Variants in DPH6 observed in about 807,000 individuals in gnomAD.
The protein encoded by DPH6 is diphthamine biosynthesis 6.
Under a neutral mutation model 38.2 loss-of-function variants are expected in DPH6, and 33 were observed. That is an observed-to-expected ratio of 0.86 (90% CI 0.65 to 1.15). The LOEUF (loss-of-function observed/expected upper bound fraction) is 1.15. DPH6 is among the 50% of genes most tolerant of loss of function. The pLI is 0.00. For missense variants in DPH6, 325 were observed against 320.0 expected (o/e 1.02, Z -0.12); for synonymous variants, 108 against 103.0 (o/e 1.05, Z -0.30).
chr15:35,287,441 T>C (rs2140442456), intron 3 of DPH6, among the ~76,000 whole-genome samples: 1 of 152,312 alleles, frequency 6.6e-6, no homozygotes, highest in East Asian at 1.9e-4. Context: ...TAATGTTTTT[T>C]AAAAACTTCG....
chr15:35,379,585 C>T (rs969017108), intron 7 of DPH6, among the ~76,000 whole-genome samples: 3 of 152,136 alleles, frequency 2.0e-5, no homozygotes, highest in Admixed American at 6.6e-5. Flanking sequence ...ATGCACAAAA[C>T]ATGTTCACTC....
the DPH6 span, among the ~76,000 whole-genome samples, chr15:35,167,031 T>C: frequency 6.6e-6 from 1 of 152,032 alleles, no homozygotes; most frequent in Non-Finnish European, 1.5e-5. Context: ...TGGAAGCGAA[T>C]TCTCTTCGAC....
chr15:35,355,645 A>G (rs1404172835), intron 3 of DPH6, among the ~76,000 whole-genome samples: 1 of 152,228 alleles, frequency 6.6e-6, no homozygotes, highest in Non-Finnish European at 1.5e-5. Flanking sequence ...GTTTCTGCCG[A>G]GAGATCAGCT....
At chr15:35,454,868 G>A (rs769240065) in intron 3 of DPH6, 48 bp from the exon 4 acceptor site, 1 of 1,359,744 alleles carries the variant, frequency 7.4e-7, no homozygotes, top group Admixed American at 2.0e-5. Context: ...AGTAACAAAT[G>A]GCTCCACATC....
intron 3 of DPH6, among the ~76,000 whole-genome samples, chr15:35,221,097 A>G (rs1435365888): frequency 6.6e-6 from 1 of 152,260 alleles, no homozygotes; most frequent in Non-Finnish European, 1.5e-5. Flanking sequence ...GGGGGAAAAG[A>G]GTAAACAACA....
chr15:35,214,086 T>C (rs2051401079), downstream of DPH6, among the ~76,000 whole-genome samples: 1 of 142,022 alleles, frequency 7.0e-6, no homozygotes, highest in African/African-American at 2.7e-5. Context: ...CACTCCAGCC[T>C]GGGCGACAGA....
chr15:35,542,154 T>C (rs1462482703), intron 2 of DPH6, among the ~76,000 whole-genome samples: 1 of 152,064 alleles, frequency 6.6e-6, no homozygotes, highest in Non-Finnish European at 1.5e-5. Context: ...TTTGTGCTAG[T>C]TTACTTCAGA....
intron 3 of DPH6, among the ~76,000 whole-genome samples, chr15:35,474,184 G>C (rs894340004): frequency 3.3e-5 from 5 of 152,022 alleles, no homozygotes; most frequent in African/African-American, 1.2e-4. Flanking sequence ...TTTGCCCTTA[G>C]CAAGTTTGGC....
intron 3 of DPH6, among the ~76,000 whole-genome samples, chr15:35,268,270 G>T (rs893843693): frequency 2.6e-5 from 4 of 151,702 alleles, no homozygotes; most frequent in Admixed American, 6.6e-5. Context: ...AAATAAAATG[G>T]TGTAGCCATA....
At chr15:35,438,750 TG>T (rs1199106014) in intron 5 of DPH6, among the ~76,000 whole-genome samples, 1 of 152,230 alleles carries the variant, frequency 6.6e-6, no homozygotes, top group Non-Finnish European at 1.5e-5. Context: ...ATAAAAAGTG[TG>T]GTGCCCCTTT....
intron 3 of DPH6, among the ~76,000 whole-genome samples, chr15:35,352,218 TA>T (rs1340404425): frequency 6.6e-6 from 1 of 152,178 alleles, no homozygotes; most frequent in East Asian, 1.9e-4. Flanking sequence ...TATTATTGCT[TA>T]GCTTTTTTTT....
At chr15:35,485,305 C>G (rs1489388200) in intron 3 of DPH6, among the ~76,000 whole-genome samples, 1 of 152,156 alleles carries the variant, frequency 6.6e-6, no homozygotes, top group Non-Finnish European at 1.5e-5. Flanking sequence ...TGATTGAGAT[C>G]TTTTGTGTTG....
At chr15:35,500,844 T>C (rs10220825) in intron 3 of DPH6, among the ~76,000 whole-genome samples, 17,332 of 152,070 alleles carry the variant, frequency 0.11, 1,484 homozygotes, top group African/African-American at 0.25. Flanking sequence ...CTGCAACCTC[T>C]GCCTCCCAGG....
chr15:35,201,616 G>A, the DPH6 span, among the ~76,000 whole-genome samples: 5 of 151,576 alleles, frequency 3.3e-5, no homozygotes, highest in East Asian at 1.9e-4. Flanking sequence ...TTGTCTTTTT[G>A]CATGTTGCTC....
chr15:35,465,959 C>T (rs1383174992), intron 3 of DPH6, among the ~76,000 whole-genome samples: 4 of 152,206 alleles, frequency 2.6e-5, no homozygotes, highest in African/African-American at 9.7e-5. Flanking sequence ...AGATCAAATT[C>T]AACCTACATG....
chr15:35,401,292 C>A lies in DPH6; in HGVS notation c.567+9543G>T. 4 of 880,062 alleles carry A rather than the reference C, an allele frequency of 4.5e-6. No homozygotes were observed. The Admixed American group carries it at 6.8e-5, about 15-fold the overall frequency. 54.5% of individuals were successfully genotyped at this position (880,062 alleles called of 1,614,324 possible). On this transcript the variant is annotated intron_variant, in intron 6 of 8. Transcript: ENST00000256538. ...GTGGAGACAGTTTCGGTGGGAATGA[C>A]AACTTTGGTAGTGGAGGAAACTTCA...
At chr15:35,528,723 C>T (rs548285265) in intron 3 of DPH6, among the ~76,000 whole-genome samples, 6 of 152,130 alleles carry the variant, frequency 3.9e-5, no homozygotes, top group East Asian at 3.8e-4. Context: ...GCCTAGCATA[C>T]GCATATGTGC....
In DPH6 at chr15:35,476,070, A is replaced by AC. The variant is rs534010971; in HGVS notation, c.313-21251_313-21250insG. 1.9e-3 allele frequency among the ~76,000 whole-genome samples: 284 copies of AC among 151,930 alleles called. 5 individuals carry two copies. Among genetic ancestry groups the AC allele is most frequent in the Middle Eastern group, 0.014 (4 of 294 alleles). ...GGAAAGAGAAGGCTAATTTATAAAA[A>AC]TTTTAAAAAATATATGGCCATTTCA... On this transcript the variant is annotated intron_variant, in intron 3 of 8. Transcript: ENST00000256538.
intron 5 of DPH6, among the ~76,000 whole-genome samples, chr15:35,446,343 G>A (rs10468080): frequency 0.032 from 4,764 of 147,848 alleles, 239 homozygotes; most frequent in African/African-American, 0.11. Flanking sequence ...TGATTTTCCC[G>A]CCTCAGCCTC....
Sources: allele counts gnomAD v4.1 joint callset (sites outside exome capture counted in the v4.1 genomes callset), GRCh38; gene constraint gnomAD v4.1.1; transcripts MANE v1.5; gene names NCBI Gene and HGNC (gene_info 2026-07-23, HGNC 2026-07-21).